The following PLS1 variants were observed in gnomAD, a reference collection of about 807,000 sequenced individuals.
The protein encoded by PLS1 is plastin 1.
A neutral mutation model predicts 73.7 loss-of-function variants in PLS1; 32 were observed. The observed-to-expected ratio is 0.43, with a 90% CI of 0.33 to 0.58. The LOEUF (loss-of-function observed/expected upper bound fraction) is 0.58. PLS1 is among the 20% of genes least tolerant of loss of function. The pLI is 0.04. For synonymous variants in PLS1, 217 were observed against 261.3 expected, an observed-to-expected ratio of 0.83 and a Z score of 1.63; for missense variants, 633 against 740.5, an observed-to-expected ratio of 0.85 and a Z score of 1.68.
At chr3:142,647,465 G>C (rs1472997551) in intron 1 of PLS1, among the ~76,000 whole-genome samples, 1 of 150,884 alleles carries the variant, frequency 6.6e-6, no homozygotes, top group Admixed American at 6.6e-5. Flanking sequence ...TGCATCTTTT[G>C]TAGTCTGCCT....
intron 1 of PLS1, among the ~76,000 whole-genome samples, chr3:142,634,292 G>A (rs1265250477): frequency 1.3e-5 from 2 of 152,126 alleles, no homozygotes; most frequent in African/African-American, 2.4e-5. Context: ...CAAATTTGAT[G>A]AAACCTATAA....
At chr3:142,647,544 C>T (rs2036983829) in intron 1 of PLS1, among the ~76,000 whole-genome samples, 1 of 148,938 alleles carries the variant, frequency 6.7e-6, no homozygotes, top group African/African-American at 2.5e-5. Context: ...GCACTGTTGC[C>T]CTGGCTGGAG....
intron 11 of PLS1, among the ~76,000 whole-genome samples, chr3:142,695,111 C>T (rs1053336904): frequency 1.3e-5 from 2 of 150,124 alleles, no homozygotes; most frequent in African/African-American, 5.0e-5. Flanking sequence ...TGAGAGGAAA[C>T]CATTCTTCTC....
chr3:142,676,033 G>A, intron 4 of PLS1, 124 bp from the exon 5 acceptor site: 1 of 763,646 alleles, frequency 1.3e-6, no homozygotes, highest in Non-Finnish European at 2.1e-6. Context: ...TGTAATAATG[G>A]TCAATTATTA....
intron 1 of PLS1, among the ~76,000 whole-genome samples, chr3:142,631,979 G>A (rs1490075601): frequency 1.3e-5 from 2 of 152,042 alleles, no homozygotes; most frequent in African/African-American, 4.8e-5. Context: ...ACTGATAAGA[G>A]GATAATATCC....
At chr3:142,612,861 T>C (rs1486514769) in intron 1 of PLS1, among the ~76,000 whole-genome samples, 1 of 152,158 alleles carries the variant, frequency 6.6e-6, no homozygotes, top group African/African-American at 2.4e-5. Context: ...AACTTCTGCC[T>C]CCTGGATGTT....
chr3:142,617,313 T>A, intron 1 of PLS1, among the ~76,000 whole-genome samples: 1 of 152,152 alleles, frequency 6.6e-6, no homozygotes, highest in East Asian at 1.9e-4. Context: ...GTTTAGTCTT[T>A]CCAGATACTG....
chr3:142,640,483 C>T (rs2036807451), intron 1 of PLS1, among the ~76,000 whole-genome samples: 1 of 152,064 alleles, frequency 6.6e-6, no homozygotes, highest in Non-Finnish European at 1.5e-5. Flanking sequence ...TCAGTGAGTT[C>T]CTTTGACATC....
chr3:142,700,611 T>C (rs1035475899), intron 12 of PLS1, among the ~76,000 whole-genome samples: 11 of 152,238 alleles, frequency 7.2e-5, no homozygotes, highest in African/African-American at 1.9e-4. Flanking sequence ...CGTGAGCCAC[T>C]GTGCCCGGCC....
chr3:142,685,752 G>T (rs541400265), intron 8 of PLS1, among the ~76,000 whole-genome samples: 1 of 152,320 alleles, frequency 6.6e-6, no homozygotes, highest in East Asian at 1.9e-4. Context: ...TGAATCATAA[G>T]GCCTGTCCAA....
At chr3:142,704,034 TG>T in intron 13 of PLS1, 33 bp downstream of exon 13, 1 of 1,595,042 alleles carries the variant, frequency 6.3e-7, no homozygotes, top group Non-Finnish European at 8.6e-7. Flanking sequence ...CAACACTGCC[TG>T]TTTCCTCCAA....
At chr3:142,669,224 A>G (rs930740498) in intron 2 of PLS1, among the ~76,000 whole-genome samples, 166 bp from the exon 3 acceptor site, 3 of 152,172 alleles carry the variant, frequency 2.0e-5, no homozygotes, top group African/African-American at 7.2e-5. Flanking sequence ...AAAATAAAGC[A>G]TATAGCATAT....
At chr3:142,701,105 C>T (rs759444991) in intron 12 of PLS1, among the ~76,000 whole-genome samples, 24 of 152,178 alleles carry the variant, frequency 1.6e-4, no homozygotes, top group Admixed American at 5.2e-4. Flanking sequence ...ATCATTTCTT[C>T]CATTAACTCT....
chr3:142,698,393 ATATT>A (rs1008686406), intron 12 of PLS1: 5 of 185,814 alleles, frequency 2.7e-5, no homozygotes, highest in African/African-American at 1.2e-4. Context: ...TATTCAACAG[ATATT>A]TATCAATTAC....
At chr3:142,686,184 T>G (rs2037960576) in intron 8 of PLS1, 100 bp from the exon 9 acceptor site, 21 of 726,494 alleles carry the variant, frequency 2.9e-5, no homozygotes, top group East Asian at 1.3e-4. Context: ...TTCCATTCTT[T>G]GAGATAGAGG....
chr3:142,603,045 T>C (rs752581268), intron 1 of PLS1, among the ~76,000 whole-genome samples: 2 of 152,214 alleles, frequency 1.3e-5, no homozygotes, highest in Non-Finnish European at 2.9e-5. Flanking sequence ...CTCTGGCTGA[T>C]GATGAACGTC....
At chr3:142,642,356 G>A (rs1285910722) in intron 1 of PLS1, among the ~76,000 whole-genome samples, 1 of 152,030 alleles carries the variant, frequency 6.6e-6, no homozygotes, top group African/African-American at 2.4e-5. Flanking sequence ...AGAAGTTTAG[G>A]TTGTTTTCAT....
intron 12 of PLS1, among the ~76,000 whole-genome samples, chr3:142,701,977 C>T (rs190650710): frequency 7.2e-4 from 109 of 152,326 alleles, no homozygotes; most frequent in Admixed American, 4.1e-3. Flanking sequence ...GCATATATTT[C>T]TTTTAAGCGG....
At chr3:142,599,242 G>T (rs185963524) in intron 1 of PLS1, among the ~76,000 whole-genome samples, 205 of 151,484 alleles carry the variant, frequency 1.4e-3, no homozygotes, top group African/African-American at 4.8e-3. Flanking sequence ...TGGGGAGGGT[G>T]GGCATTTAGG....
Sources: gnomAD v4.1 joint callset for allele counts (sites outside exome capture counted in the v4.1 genomes callset) on GRCh38, gnomAD v4.1.1 for gene constraint, MANE v1.5 for transcripts, NCBI Gene and HGNC (gene_info 2026-07-23, HGNC 2026-07-21) for gene names.